ADGRL2: variants seen among roughly 807,000 people sequenced by gnomAD.
ADGRL2 encodes adhesion G protein-coupled receptor L2, also known as calcium-independent alpha-latrotoxin receptor 2.
In ADGRL2, 44 loss-of-function variants were observed where a neutral mutation model predicts 157.4. That is an observed-to-expected ratio of 0.28 (90% CI 0.22 to 0.36). The LOEUF is 0.36. Ranked by LOEUF, ADGRL2 falls within the 10% of genes least tolerant of loss-of-function variation. ADGRL2 has a pLI of 1.00. For synonymous variants in ADGRL2, 585 were observed against 624.7 expected, an observed-to-expected ratio of 0.94 and a Z score of 0.95; for missense variants, 1,510 against 1,768.9, an observed-to-expected ratio of 0.85 and a Z score of 2.63.
chr1:81,530,979 G>A (rs2079583935), intron 2 of ADGRL2, among the ~76,000 whole-genome samples: 1 of 151,836 alleles, frequency 6.6e-6, no homozygotes, highest in Non-Finnish European at 1.5e-5. Context: ...AGCTACTTGG[G>A]AGGCTGAGGC....
At chr1:81,648,338 C>T (rs1034173225) in intron 3 of ADGRL2, among the ~76,000 whole-genome samples, 4 of 152,156 alleles carry the variant, frequency 2.6e-5, no homozygotes, top group Non-Finnish European at 5.9e-5. Flanking sequence ...GGGGACACAG[C>T]TGGGATTCAA....
intron 2 of ADGRL2, chr1:81,502,373 C>A: frequency 3.1e-6 from 5 of 1,614,046 alleles, no homozygotes; most frequent in Non-Finnish European, 8.5e-7. Context: ...AGATGGAGGC[C>A]GGGGAAGAGA....
intron 1 of ADGRL2, among the ~76,000 whole-genome samples, chr1:81,720,382 C>G (rs1411703079): frequency 6.6e-6 from 1 of 151,962 alleles, no homozygotes; most frequent in Non-Finnish European, 1.5e-5. Context: ...GTTGCTCAGG[C>G]TGGTCTCAAA....
intron 1 of ADGRL2, among the ~76,000 whole-genome samples, chr1:81,307,026 G>A (rs1000736885): frequency 1.3e-5 from 2 of 152,226 alleles, no homozygotes; most frequent in Non-Finnish European, 2.9e-5. Flanking sequence ...TAACAGGCCT[G>A]TCAGATAGAT....
intron 1 of ADGRL2, among the ~76,000 whole-genome samples, chr1:81,312,678 T>G (rs1659838218): frequency 6.6e-6 from 1 of 152,180 alleles, no homozygotes. Flanking sequence ...GTGAAATCCT[T>G]TTGATTAGCA....
intron 2 of ADGRL2, among the ~76,000 whole-genome samples, chr1:81,578,744 C>T (rs1570554762): frequency 6.6e-6 from 1 of 152,120 alleles, no homozygotes; most frequent in Admixed American, 6.5e-5. Flanking sequence ...TATGATGCAA[C>T]TCAAACAGCA....
At chr1:81,641,711 G>T (rs2082222127) in intron 3 of ADGRL2, among the ~76,000 whole-genome samples, 1 of 152,124 alleles carries the variant, frequency 6.6e-6, no homozygotes, top group South Asian at 2.1e-4. Flanking sequence ...AGCATTGTGT[G>T]CATATATTAG....
intron 1 of ADGRL2, among the ~76,000 whole-genome samples, chr1:81,836,536 G>A (rs1160867630): frequency 3.9e-5 from 6 of 152,114 alleles, no homozygotes; most frequent in African/African-American, 1.2e-4. Context: ...ACACTCTGCA[G>A]TTTGGAGAAC....
chr1:81,414,139 T>C (rs1401318447), intron 1 of ADGRL2: 2 of 151,478 alleles, frequency 1.3e-5, no homozygotes, highest in Admixed American at 6.6e-5. Flanking sequence ...ATTGGGATGC[T>C]TGGTAAACAC....
At chr1:81,913,468 A>G (rs977817526) in intron 3 of ADGRL2, among the ~76,000 whole-genome samples, 5 of 152,184 alleles carry the variant, frequency 3.3e-5, no homozygotes, top group African/African-American at 7.2e-5. Flanking sequence ...AAGCAGAATG[A>G]TCTTACCCTC....
At chr1:81,801,091 C>T (rs1177357909) in intron 1 of ADGRL2, among the ~76,000 whole-genome samples, 23 bp downstream of exon 1, 3 of 152,068 alleles carry the variant, frequency 2.0e-5, no homozygotes, top group African/African-American at 7.2e-5. Context: ...TTTCGCTCCT[C>T]CTCCCCGCCG....
intron 2 of ADGRL2, among the ~76,000 whole-genome samples, chr1:81,900,649 CA>C (rs760632200): frequency 1.2e-4 from 19 of 152,230 alleles, no homozygotes; most frequent in Non-Finnish European, 2.5e-4. Flanking sequence ...ATGAAGAAAC[CA>C]TAAACTTTCT....
At chr1:81,434,552 T>C (rs2101637028) in intron 1 of ADGRL2, among the ~76,000 whole-genome samples, 1 of 152,294 alleles carries the variant, frequency 6.6e-6, no homozygotes, top group East Asian at 1.9e-4. Context: ...AACTAGTGAA[T>C]AAGTGAATGA....
chr1:81,903,846 C>CACACACACACACACACAT lies in ADGRL2; in HGVS notation c.74-3170_74-3169insCACACACACACACACATA, dbSNP rs556699551. On this transcript the variant is annotated intron_variant, in intron 2 of 23. Transcript: ENST00000686636. Reference sequence around the variant, plus strand: ...ACACACACACACACACACACACACACATATTTGGTTGGAAATACAGACTTT... The same window carrying CACACACACACACACACAT: ...ACACACACACACACACACACACACACACACACACACACACACATATATTTGGTTGGAAATACAGACTTT... Among the ~76,000 whole-genome samples the CACACACACACACACACAT allele has an allele frequency of 2.1e-5, 3 of 145,714 alleles. No individual in the cohort carries two copies. The Admixed American group carries it at 2.1e-4, about 10-fold the overall frequency.
At chr1:81,427,800 C>T (rs1409995845) in intron 1 of ADGRL2, among the ~76,000 whole-genome samples, 1 of 152,142 alleles carries the variant, frequency 6.6e-6, no homozygotes, top group Non-Finnish European at 1.5e-5. Flanking sequence ...TTCAGGACTG[C>T]CATAGCCATA....
intron 3 of ADGRL2, among the ~76,000 whole-genome samples, chr1:81,624,010 C>T (rs957974935): frequency 6.6e-6 from 1 of 152,006 alleles, no homozygotes; most frequent in African/African-American, 2.4e-5. Context: ...AAGGAGGCCA[C>T]GTGAGGATGG....
At chr1:81,405,401 C>A (rs2076835010) in intron 1 of ADGRL2, among the ~76,000 whole-genome samples, 1 of 152,070 alleles carries the variant, frequency 6.6e-6, no homozygotes, top group African/African-American at 2.4e-5. Context: ...GGTGTGGTGG[C>A]TCGTGCCTGT....
chr1:81,623,730 A>G (rs1287550552), intron 3 of ADGRL2, among the ~76,000 whole-genome samples: 1 of 142,164 alleles, frequency 7.0e-6, no homozygotes, highest in East Asian at 2.1e-4. Context: ...TCTGCCTCCC[A>G]GGTTCAAGCG....
chr1:81,412,405 A>T (rs938202264), intron 1 of ADGRL2, among the ~76,000 whole-genome samples: 1 of 152,216 alleles, frequency 6.6e-6, no homozygotes, highest in Admixed American at 6.5e-5. Context: ...TTTGTCTAGA[A>T]TTATCTTTCC....
Sources: allele counts gnomAD v4.1 joint callset (sites outside exome capture counted in the v4.1 genomes callset), GRCh38; gene constraint gnomAD v4.1.1; transcripts MANE v1.5; gene names NCBI Gene and HGNC (gene_info 2026-07-23, HGNC 2026-07-21).